Variants in COL27A1 observed in about 807,000 individuals in gnomAD.
COL27A1 encodes collagen alpha-1(XXVII) chain.
COL27A1 carries 106 observed loss-of-function variants against 251.3 expected under a neutral mutation model. The ratio of observed to expected loss-of-function variants is 0.42; its 90% CI spans 0.36 to 0.50. The LOEUF is 0.50. COL27A1 is among the 20% of genes least tolerant of loss of function. The pLI, the probability that COL27A1 is intolerant of heterozygous loss-of-function variation, is 0.00. For missense variants in COL27A1, 2,325 were observed against 2,522.8 expected, an observed-to-expected ratio of 0.92 and a Z score of 1.68; for synonymous variants, 1,000 against 986.3, an observed-to-expected ratio of 1.01 and a Z score of -0.26.
intron 1 of COL27A1, among the ~76,000 whole-genome samples, chr9:114,157,213 C>A (rs868310926): frequency 2.6e-5 from 4 of 152,340 alleles, no homozygotes; most frequent in African/African-American, 7.2e-5. Context: ...AGGCGAGCAC[C>A]CCATGGTGGG....
At chr9:114,275,222 C>T (rs1409894600) in intron 36 of COL27A1, among the ~76,000 whole-genome samples, 1 of 151,926 alleles carries the variant, frequency 6.6e-6, no homozygotes, top group Non-Finnish European at 1.5e-5. Flanking sequence ...TATAATTGCG[C>T]CTCTGCACTC....
At chr9:114,155,319 C>G (rs1457330181), upstream of COL27A1, among the ~76,000 whole-genome samples, 2 of 152,178 alleles carry the variant, frequency 1.3e-5, no homozygotes, top group East Asian at 3.9e-4. This position sits in a 1 kb window ranked among gnomAD's most constrained non-coding sequence, Gnocchi z 5.5. Context: ...CCCTGGGCAG[C>G]CCCTTCCTCT....
intron 37 of COL27A1, 106 bp from the exon 38 acceptor site, chr9:114,282,171 C>A (rs2135701331): frequency 1.0e-6 from 1 of 1,001,690 alleles, no homozygotes; most frequent in Non-Finnish European, 1.6e-6. Flanking sequence ...CAGTTTCGAA[C>A]CTGGCCATCT....
At chr9:114,165,937 T>C (rs1848814568) in intron 2 of COL27A1, among the ~76,000 whole-genome samples, 1 of 146,672 alleles carries the variant, frequency 6.8e-6, no homozygotes, top group African/African-American at 2.6e-5. Flanking sequence ...CAGCCAGCCA[T>C]CATCCATCCA....
intron 28 of COL27A1, among the ~76,000 whole-genome samples, chr9:114,263,655 G>A (rs1167071243): frequency 6.6e-6 from 1 of 152,138 alleles, no homozygotes; most frequent in African/African-American, 2.4e-5. Flanking sequence ...CTGTGCAGGG[G>A]GGATGGGGGT....
chr9:114,242,211 C>A lies in COL27A1; in HGVS notation c.2860C>A (p.Pro954Thr). 6.2e-7 allele frequency: 1 copy of A among 1,609,038 alleles called. No homozygotes were observed. Among genetic ancestry groups the A allele is most frequent in the Non-Finnish European group, 8.5e-7 (1 of 1,178,320 alleles). ...PEGDEGPMGP[P>T]GAPGLEGQPG... ...GGGAGATGAGGGACCCATGGGGCCG[C>A]CAGGGGCCCCTGGCTTGGAGGTGAG... Residue 954 changes from proline to threonine, a missense_variant, in exon 22 of 61, where the codon CCA (proline) becomes ACA (threonine). Transcript: ENST00000356083.
In COL27A1 at chr9:114,156,071, G is replaced by A. The variant is rs1848102094; in HGVS notation, c.62+59G>A. The A allele has an allele frequency of 1.2e-5, 15 of 1,292,820 alleles. No homozygotes were observed. In the South Asian group the frequency reaches 4.5e-4, roughly 38 times the overall value. The allele number at this position is 1,292,820 out of a possible 1,614,324, so 80.1% of individuals were successfully genotyped here. On this transcript the variant is annotated intron_variant, in intron 1 of 60. Coordinates refer to ENST00000356083, the MANE Select transcript of COL27A1 (RefSeq NM_032888.4). ...CTTCCTGCTGCTCCAATCTCGGGGA[G>A]GGCCGGGGTTCCCCGCCATGCGGTC...
chr9:114,184,125 G>A (rs199600600), intron 5 of COL27A1, among the ~76,000 whole-genome samples: 3 of 144,082 alleles, frequency 2.1e-5, no homozygotes, highest in Admixed American at 7.0e-5. Context: ...CTGTGGAGGG[G>A]GCAGATGGGC....
At chr9:114,206,944 G>C (rs1466124065) in intron 10 of COL27A1, among the ~76,000 whole-genome samples, 2 of 152,232 alleles carry the variant, frequency 1.3e-5, no homozygotes, top group Non-Finnish European at 2.9e-5. Flanking sequence ...GAGGGTTCTG[G>C]GTGGACCGAA....
rs1260222548 is a variant in COL27A1, at chr9:114,209,688, T to C, written c.2282T>C (p.Leu761Pro). 1 of 1,614,192 alleles carries C rather than the reference T, an allele frequency of 6.2e-7. No individual in the cohort carries two copies. Among genetic ancestry groups the C allele is most frequent in the Non-Finnish European group, 8.5e-7 (1 of 1,180,022 alleles). Reference sequence around the variant, plus strand: ...TCTCTTTCCTAGGGCTACATTGGGCTCCCAGGGCTCTTCGGCCTGCCAGGG... The same window carrying C: ...TCTCTTTCCTAGGGCTACATTGGGCCCCCAGGGCTCTTCGGCCTGCCAGGG... ...GPKGSRGYIG[L>P]PGLFGLPGSD... Residue 761 changes from leucine to proline, a missense_variant, in exon 11 of 61, where the codon CTC becomes CCC. Leu to Pro is a moderately conservative substitution (Grantham distance 98, BLOSUM62 -3). Coordinates refer to ENST00000356083, the MANE Select transcript of COL27A1 (RefSeq NM_032888.4).
Position 114,269,828 on chromosome 9 carries a change from G to A in COL27A1, c.3555+534G>A, listed in dbSNP as rs1254862108. Among the ~76,000 whole-genome samples the A allele has an allele frequency of 3.3e-5, 5 of 152,214 alleles. No individual in the cohort carries two copies. The East Asian group carries it at 9.7e-4, about 29-fold the overall frequency. On this transcript the variant is annotated intron_variant, in intron 35 of 60. Transcript: ENST00000356083. ...GATACCTGCCATGGGTACAAGAGGA[G>A]CATGGACCACCCAACTGGCACATCG...
At chr9:114,179,367 G>A (rs1456332736) in intron 4 of COL27A1, among the ~76,000 whole-genome samples, 2 of 152,098 alleles carry the variant, frequency 1.3e-5, no homozygotes, top group African/African-American at 2.4e-5. Context: ...TATCACAGAC[G>A]CTGCTAGCCC....
intron 21 of COL27A1, among the ~76,000 whole-genome samples, 170 bp downstream of exon 21, chr9:114,240,657 G>A (rs1036615323): frequency 5.3e-5 from 8 of 152,198 alleles, no homozygotes; most frequent in Admixed American, 2.0e-4. Flanking sequence ...GCCCTGCCCC[G>A]TGCCCCTTCC....
chr9:114,245,829 C>T (rs191810753), intron 23 of COL27A1, 37 bp from the exon 24 acceptor site: 84 of 1,607,694 alleles, frequency 5.2e-5, no homozygotes, highest in Non-Finnish European at 6.4e-5. Flanking sequence ...ACTTTCATCT[C>T]CCATCCCAAT....
At chr9:114,265,945 G>T (rs1343835961) in intron 32 of COL27A1, among the ~76,000 whole-genome samples, 2 of 152,186 alleles carry the variant, frequency 1.3e-5, no homozygotes, top group African/African-American at 4.8e-5. Context: ...GGGCAACAGG[G>T]AACCATGGAA....
upstream of COL27A1, among the ~76,000 whole-genome samples, chr9:114,154,187 G>T (rs930125608): frequency 6.6e-6 from 1 of 151,990 alleles, no homozygotes; most frequent in African/African-American, 2.4e-5. This position sits in a 1 kb window ranked among gnomAD's most constrained non-coding sequence, Gnocchi z 5.8. Flanking sequence ...GGACCGGGTC[G>T]GCGGCGCAGT....
chr9:114,274,557 T>C (rs775268463), intron 36 of COL27A1, among the ~76,000 whole-genome samples: 4 of 152,306 alleles, frequency 2.6e-5, no homozygotes, highest in Admixed American at 6.5e-5. Context: ...GTTAGTGCTA[T>C]ATAAATGTTA....
At chr9:114,307,362 C>G in intron 58 of COL27A1, 1 of 313,122 alleles carries the variant, frequency 3.2e-6, no homozygotes, top group Non-Finnish European at 6.0e-6. Context: ...ATCCCCCAAA[C>G]CCTTGTGCAA....
chr9:114,204,501 G>A (rs753738717), intron 7 of COL27A1, among the ~76,000 whole-genome samples: 11 of 152,226 alleles, frequency 7.2e-5, no homozygotes, highest in Non-Finnish European at 1.0e-4. Flanking sequence ...GTACTGGGGC[G>A]TTGCCAGAGT....
Sources: allele counts gnomAD v4.1 joint callset (sites outside exome capture counted in the v4.1 genomes callset), GRCh38; gene constraint gnomAD v4.1.1; non-coding constraint Gnocchi (gnomAD v3.1); transcripts MANE v1.5; gene names NCBI Gene and HGNC (gene_info 2026-07-23, HGNC 2026-07-21).